Variants in RALGPS2 observed in about 807,000 individuals in gnomAD.
The protein encoded by RALGPS2 is ras-specific guanine nucleotide-releasing factor RalGPS2.
RALGPS2 carries 43 observed loss-of-function variants against 86.8 expected under a neutral mutation model. The observed-to-expected ratio is 0.50, with a 90% CI of 0.39 to 0.64. RALGPS2 has a LOEUF of 0.64. Among genes scored for constraint, RALGPS2 ranks in the 30% least tolerant of loss-of-function variants. The probability of loss-of-function intolerance (pLI) is 0.00; values close to 1 mark genes in which losing one functional copy is unlikely to be tolerated. For synonymous variants in RALGPS2, 243 were observed against 231.3 expected, an observed-to-expected ratio of 1.05 and a Z score of -0.46; for missense variants, 536 against 694.6, an observed-to-expected ratio of 0.77 and a Z score of 2.57.
Position 178,808,032 on chromosome 1 carries a change from C to A in RALGPS2, c.214-13C>A. 1 of 1,572,380 alleles carries A rather than the reference C, an allele frequency of 6.4e-7. No individual in the cohort carries two copies. Among genetic ancestry groups the A allele is most frequent in the South Asian group, 1.1e-5 (1 of 89,388 alleles). On this transcript the variant is annotated splice_polypyrimidine_tract_variant and intron_variant, in intron 4 of 19. Coordinates refer to ENST00000367635, the MANE Select transcript of RALGPS2 (RefSeq NM_152663.5). The stretch of plus-strand genomic sequence containing the variant: ...GCTATTACTTAAATTTAATTTTCAC[C>A]TTAATTTTCCAGGAGCTTTCAAGTT...
At chr1:178,733,128 A>G (rs182730024) in intron 1 of RALGPS2, among the ~76,000 whole-genome samples, 1 of 152,340 alleles carries the variant, frequency 6.6e-6, no homozygotes, top group Non-Finnish European at 1.5e-5. Context: ...GAAAGTTTCT[A>G]AAACAAAACA....
intron 16 of RALGPS2, 147 bp from the exon 17 acceptor site, chr1:178,897,517 A>T (rs1475340817): frequency 8.1e-6 from 5 of 617,826 alleles, no homozygotes; most frequent in Non-Finnish European, 2.9e-6. Context: ...AGTATTTGAG[A>T]TTAAGATTTC....
At chr1:178,853,672 C>G (rs759887966) in intron 8 of RALGPS2, 1 of 1,612,886 alleles carries the variant, frequency 6.2e-7, no homozygotes, top group South Asian at 1.1e-5. Context: ...CCCCAGGGTC[C>G]AAACTGTTTT....
intron 4 of RALGPS2, among the ~76,000 whole-genome samples, chr1:178,790,963 T>C (rs1017839085): frequency 6.6e-6 from 1 of 152,200 alleles, no homozygotes; most frequent in African/African-American, 2.4e-5. Flanking sequence ...CCTCAGATAT[T>C]ATGAAAAGAT....
intron 8 of RALGPS2, chr1:178,852,710 G>T (rs755337121): frequency 4.3e-6 from 7 of 1,613,602 alleles, no homozygotes; most frequent in Non-Finnish European, 5.1e-6. Flanking sequence ...TCTCTGTCCA[G>T]TGTGGTGAAT....
At chr1:178,906,146 G>T (rs956349803) in intron 18 of RALGPS2, among the ~76,000 whole-genome samples, 2 of 152,162 alleles carry the variant, frequency 1.3e-5, no homozygotes, top group Non-Finnish European at 2.9e-5. Context: ...GCCAAGGCAG[G>T]CACATCACTT....
chr1:178,856,003 A>T (rs990264292), intron 8 of RALGPS2, among the ~76,000 whole-genome samples: 1 of 148,930 alleles, frequency 6.7e-6, no homozygotes, highest in Non-Finnish European at 1.5e-5. Flanking sequence ...CAAAATATAT[A>T]TATTAGAACA....
intron 1 of RALGPS2, among the ~76,000 whole-genome samples, chr1:178,756,310 T>G (rs771737819): frequency 2.0e-5 from 3 of 152,248 alleles, no homozygotes; most frequent in African/African-American, 7.2e-5. Context: ...ATTTAAATCT[T>G]TAATCCATCT....
intron 7 of RALGPS2, among the ~76,000 whole-genome samples, chr1:178,830,185 G>A (rs1026167586): frequency 1.3e-5 from 2 of 152,152 alleles, no homozygotes; most frequent in Non-Finnish European, 2.9e-5. Context: ...TACACCTCAA[G>A]TATATGCAAT....
intron 1 of RALGPS2, among the ~76,000 whole-genome samples, chr1:178,765,723 C>CA (rs1197725653): frequency 6.6e-6 from 1 of 152,178 alleles, no homozygotes; most frequent in African/African-American, 2.4e-5. Flanking sequence ...CCATAAAAGA[C>CA]AGACATTCCC....
In RALGPS2 at chr1:178,863,051, T is replaced by C. The variant is rs542700649; in HGVS notation, c.608-14447T>C. 8.5e-5 allele frequency among the ~76,000 whole-genome samples: 13 copies of C among 152,324 alleles called. No homozygotes were observed. In the South Asian group the frequency reaches 2.5e-3, roughly 29 times the overall value. ...AATACTGTTATTCCCATTTCACAGG[T>C]AAGGAAACTGAGGCACAGATAATTT... is the stretch of plus-strand genomic sequence containing the variant. On this transcript the variant is annotated intron_variant, in intron 8 of 19. Coordinates refer to ENST00000367635, the MANE Select transcript of RALGPS2 (RefSeq NM_152663.5).
rs531731180 is a variant in RALGPS2 at position 178,766,109 on chromosome 1, C to T, written c.-83-10573C>T. On this transcript the variant is annotated intron_variant, in intron 1 of 19. Coordinates refer to ENST00000367635, the MANE Select transcript of RALGPS2 (RefSeq NM_152663.5). ...TATTGATTGGGGAAGTGATAAGTGT[C>T]CATGAAATCTTCACAGTTTATGTTC... Among the ~76,000 whole-genome samples, 15 of 152,282 alleles carry T rather than the reference C, an allele frequency of 9.9e-5. No individual in the cohort carries two copies. The South Asian group carries it at 3.1e-3, about 32-fold the overall frequency.
chr1:178,727,195 A>G (rs552213182), intron 1 of RALGPS2, among the ~76,000 whole-genome samples: 8 of 152,064 alleles, frequency 5.3e-5, no homozygotes, highest in Admixed American at 4.6e-4. Context: ...ATAATTTTTG[A>G]ACGGTAAGAT....
chr1:178,847,340 G>A (rs926830342), intron 8 of RALGPS2, among the ~76,000 whole-genome samples: 1 of 152,198 alleles, frequency 6.6e-6, no homozygotes, highest in Non-Finnish European at 1.5e-5. Flanking sequence ...CAGCTACTGG[G>A]GAGGCTGAGG....
At chr1:178,776,947 T>A in intron 2 of RALGPS2, 126 bp downstream of exon 2, 1 of 722,806 alleles carries the variant, frequency 1.4e-6, no homozygotes, top group South Asian at 2.1e-5. Context: ...TTCCTTTTTT[T>A]TTAAATTTTA....
At chr1:178,747,895 G>T in intron 1 of RALGPS2, 1 of 544,382 alleles carries the variant, frequency 1.8e-6, no homozygotes, top group East Asian at 3.1e-5. Context: ...CAGTGAACTA[G>T]CACTACCTAT....
intron 9 of RALGPS2, 65 bp from the exon 10 acceptor site, chr1:178,878,837 C>A (rs1478746873): frequency 1.3e-6 from 2 of 1,572,042 alleles, no homozygotes; most frequent in Non-Finnish European, 1.7e-6. Flanking sequence ...TTATTTTCAG[C>A]TTAATTTTTA....
At chr1:178,775,659 T>C (rs1653043785) in intron 1 of RALGPS2, among the ~76,000 whole-genome samples, 1 of 152,166 alleles carries the variant, frequency 6.6e-6, no homozygotes, top group Admixed American at 6.5e-5. Flanking sequence ...GACTAGAATT[T>C]TGATGGCTTG....
At chr1:178,770,817 A>C (rs1652771807) in intron 1 of RALGPS2, among the ~76,000 whole-genome samples, 2 of 148,422 alleles carry the variant, frequency 1.3e-5, no homozygotes, top group South Asian at 4.2e-4. Context: ...CTTAAAAACA[A>C]AGTTTTTTTA....
Sources: gnomAD v4.1 joint callset for allele counts (sites outside exome capture counted in the v4.1 genomes callset) on GRCh38, gnomAD v4.1.1 for gene constraint, MANE v1.5 for transcripts, NCBI Gene and HGNC (gene_info 2026-07-23, HGNC 2026-07-21) for gene names.